Variants in GPHN observed in about 807,000 individuals in gnomAD.
The protein encoded by GPHN is gephyrin.
Under a neutral mutation model 95.5 loss-of-function variants are expected in GPHN, and 17 were observed. The ratio of observed to expected loss-of-function variants is 0.18; its 90% CI spans 0.12 to 0.27. GPHN has a LOEUF of 0.27. Ranked by LOEUF, GPHN falls within the 10% of genes least tolerant of loss-of-function variation. The probability of loss-of-function intolerance (pLI) is 1.00; values close to 1 mark genes in which losing one functional copy is unlikely to be tolerated. For synonymous variants in GPHN, 320 were observed against 322.5 expected (o/e 0.99, Z 0.08); for missense variants, 660 against 978.1 (o/e 0.67, Z 4.34).
the GPHN span, among the ~76,000 whole-genome samples, chr14:67,363,211 C>T: frequency 6.6e-6 from 1 of 151,886 alleles, no homozygotes; most frequent in Admixed American, 6.6e-5. Flanking sequence ...TCCCCACCCC[C>T]ACCCTCGAAA....
the GPHN span, chr14:67,473,033 T>G: frequency 8.7e-6 from 2 of 229,524 alleles, no homozygotes; most frequent in Non-Finnish European, 1.7e-5. The surrounding 1 kb of genome is among the most constrained non-coding windows in gnomAD (Gnocchi z 6.5). Context: ...TAAATCCAGA[T>G]CGGAGGGAGG....
the GPHN span, among the ~76,000 whole-genome samples, chr14:67,497,428 G>A: frequency 6.6e-6 from 1 of 152,048 alleles, no homozygotes; most frequent in Non-Finnish European, 1.5e-5. Context: ...GGATGAGGAA[G>A]AACTGACGGG....
the GPHN span, chr14:67,347,536 T>C: frequency 8.0e-7 from 1 of 1,244,164 alleles, no homozygotes; most frequent in Non-Finnish European, 1.1e-6. Context: ...AGTTTTGCTC[T>C]TGTCGCCGAG....
At chr14:67,350,710 C>G in the GPHN span, 1 of 1,606,014 alleles carries the variant, frequency 6.2e-7, no homozygotes, top group Non-Finnish European at 8.5e-7. Flanking sequence ...CATAAACCAA[C>G]AGCAGATTCA....
intron 1 of GPHN, among the ~76,000 whole-genome samples, chr14:66,534,389 ACTT>A (rs896540643): frequency 3.9e-5 from 6 of 151,972 alleles, no homozygotes; most frequent in African/African-American, 1.5e-4. Flanking sequence ...AAAGGGAATG[ACTT>A]CTTTCGTTTA....
chr14:67,444,692 G>T, the GPHN span, among the ~76,000 whole-genome samples: 3 of 152,214 alleles, frequency 2.0e-5, no homozygotes, highest in Non-Finnish European at 2.9e-5. Context: ...TGATTAGAAG[G>T]TGGGAACTTT....
chr14:67,294,591 CCT>C, the GPHN span: 1 of 151,744 alleles, frequency 6.6e-6, no homozygotes, highest in African/African-American at 2.4e-5. Flanking sequence ...CCTACGGAAA[CCT>C]CAAATTTTAA....
the GPHN span, among the ~76,000 whole-genome samples, chr14:67,697,358 C>G: frequency 6.6e-6 from 1 of 152,140 alleles, no homozygotes; most frequent in East Asian, 1.9e-4. Flanking sequence ...AGGCAAGCAA[C>G]ATAGACAAGA....
chr14:67,196,686 C>A, the GPHN span: 1 of 152,162 alleles, frequency 6.6e-6, no homozygotes, highest in Non-Finnish European at 1.5e-5. Context: ...CTCAGGATTC[C>A]ACTGTTTGGC....
At chr14:67,311,480 A>G in the GPHN span, among the ~76,000 whole-genome samples, 2 of 152,104 alleles carry the variant, frequency 1.3e-5, no homozygotes, top group Admixed American at 6.5e-5. Context: ...GCTCATTACA[A>G]ATTTGTGTGA....
chr14:67,172,495 C>T (rs988675998), intron 21 of GPHN, among the ~76,000 whole-genome samples: 6 of 152,270 alleles, frequency 3.9e-5, no homozygotes, highest in African/African-American at 9.6e-5. Flanking sequence ...CCCAGAACAG[C>T]CATGTCCCCA....
chr14:67,493,574 G>A, the GPHN span, among the ~76,000 whole-genome samples: 1 of 152,134 alleles, frequency 6.6e-6, no homozygotes, highest in South Asian at 2.1e-4. Flanking sequence ...TTCACTTTGC[G>A]ACACCAAGCT....
the GPHN span, among the ~76,000 whole-genome samples, chr14:67,194,309 A>G: frequency 6.6e-6 from 1 of 151,456 alleles, no homozygotes; most frequent in Non-Finnish European, 1.5e-5. Flanking sequence ...GGCTGCAGTG[A>G]GCCAAGATCA....
At chr14:66,969,311 A>C (rs1043587525) in intron 9 of GPHN, 2 of 152,208 alleles carry the variant, frequency 1.3e-5, no homozygotes, top group African/African-American at 4.8e-5. Flanking sequence ...GCCTAAGTCA[A>C]ATAGTACATA....
chr14:66,956,793 G>A (rs1234092551), intron 8 of GPHN, among the ~76,000 whole-genome samples: 2 of 151,982 alleles, frequency 1.3e-5, no homozygotes, highest in Non-Finnish European at 2.9e-5. Context: ...CATAAAAAAT[G>A]ATGAGTTCAT....
the GPHN span, chr14:67,562,797 A>T: frequency 6.2e-7 from 1 of 1,613,700 alleles, no homozygotes; most frequent in East Asian, 2.2e-5. Flanking sequence ...GGGAAGAATG[A>T]GGAAAGAGAG....
chr14:67,663,053 T>C, the GPHN span: 13 of 1,456,018 alleles, frequency 8.9e-6, no homozygotes, highest in African/African-American at 1.3e-4. Context: ...GGCTGTCTGG[T>C]GTGGTGCTTG....
chr14:66,824,422 G>C, intron 3 of GPHN, 52 bp from the exon 4 acceptor site: 1 of 891,590 alleles, frequency 1.1e-6, no homozygotes, highest in Non-Finnish European at 1.9e-6. Flanking sequence ...GGGATGTTTT[G>C]AGCAAGCAGG....
chr14:66,602,598 A>T (rs1247468282), intron 1 of GPHN, among the ~76,000 whole-genome samples: 1 of 151,992 alleles, frequency 6.6e-6, no homozygotes, highest in Non-Finnish European at 1.5e-5. Context: ...TCTTCATAAA[A>T]TCTGAAGTTA....
Sources: allele counts gnomAD v4.1 joint callset (sites outside exome capture counted in the v4.1 genomes callset), GRCh38; gene constraint gnomAD v4.1.1; non-coding constraint Gnocchi (gnomAD v3.1); transcripts MANE v1.5; gene names NCBI Gene and HGNC (gene_info 2026-07-23, HGNC 2026-07-21).